Variants in CLPX observed in about 807,000 individuals in gnomAD.
The protein encoded by CLPX is caseinolytic mitochondrial matrix peptidase chaperone subunit X, also known as ATP-dependent clpX-like chaperone, mitochondrial.
Under a neutral mutation model 76.4 loss-of-function variants are expected in CLPX, and 34 were observed. That is an observed-to-expected ratio of 0.45 (90% CI 0.34 to 0.59). The LOEUF (loss-of-function observed/expected upper bound fraction) is 0.59. Ranked by LOEUF, CLPX falls within the 20% of genes least tolerant of loss-of-function variation. CLPX has a pLI of 0.01. For synonymous variants in CLPX, 248 were observed against 270.9 expected (o/e 0.92, Z 0.83); for missense variants, 613 against 757.0 (o/e 0.81, Z 2.23).
rs1345827999 is a variant in CLPX, at chr15:65,177,580, GCCAA to G, written c.358+1350_358+1353del. Among the ~76,000 whole-genome samples, 4 of 152,252 alleles carry G rather than the reference GCCAA, an allele frequency of 2.6e-5. No individual in the cohort carries two copies. In the East Asian group the frequency reaches 7.7e-4, roughly 29 times the overall value. On this transcript the variant is annotated intron_variant, in intron 3 of 13. Coordinates refer to ENST00000300107, the MANE Select transcript of CLPX (RefSeq NM_006660.5). Reference sequence around the variant, plus strand: ...GTTAGGAGATAGAGAATACTCTCTAGCCAACCATCAGACACTGAAGTCTTACAAT... The same window carrying G: ...GTTAGGAGATAGAGAATACTCTCTAGCCATCAGACACTGAAGTCTTACAAT...
chr15:65,180,269 A>T, intron 1 of CLPX, 65 bp from the exon 2 acceptor site: 1 of 1,301,390 alleles, frequency 7.7e-7, no homozygotes, highest in Non-Finnish European at 1.1e-6. Context: ...GGAAACAAAA[A>T]TTCCTTGAGC....
At chr15:65,166,848 TAA>T in intron 3 of CLPX, 63 bp from the exon 4 acceptor site, 1 of 1,492,336 alleles carries the variant, frequency 6.7e-7, no homozygotes, top group South Asian at 1.3e-5. Context: ...TGTTTAACCT[TAA>T]AGACTCCACT....
Position 65,185,170 on chromosome 15 carries a change from C to T in CLPX, c.-17G>A, listed in dbSNP as rs778913119. On this transcript the variant is annotated 5_prime_UTR_variant, in exon 1 of 14. Transcript: ENST00000300107. ...GCTGGGCATCTCCGCGAGGCCTAGG[C>T]CGGGGCTTCGCCCCCTGAGGACCTC... is the stretch of plus-strand genomic sequence containing the variant. 6 of 1,554,222 alleles carry T rather than the reference C, an allele frequency of 3.9e-6. No homozygotes were observed. The highest frequency in any genetic ancestry group is 1.2e-5 in the South Asian group (1 of 84,224).
intron 6 of CLPX, among the ~76,000 whole-genome samples, chr15:65,160,038 G>T (rs1396308540): frequency 6.6e-6 from 1 of 152,046 alleles, no homozygotes; most frequent in Admixed American, 6.6e-5. Context: ...GTCTTGAACT[G>T]CTGACTTCAG....
intron 6 of CLPX, among the ~76,000 whole-genome samples, chr15:65,161,814 A>G (rs1165334808): frequency 5.3e-5 from 8 of 152,172 alleles, no homozygotes; most frequent in African/African-American, 1.9e-4. Flanking sequence ...TGGTATAATC[A>G]GTATTTCTAT....
intron 4 of CLPX, among the ~76,000 whole-genome samples, chr15:65,165,491 C>CTCCTG (rs568755377): frequency 1.2e-3 from 172 of 144,526 alleles, no homozygotes; most frequent in African/African-American, 4.2e-3. Context: ...TCACGCCATT[C>CTCCTG]TCCTGCCTCA....
chr15:65,164,997 T>C (rs1443152997), intron 4 of CLPX, among the ~76,000 whole-genome samples: 2 of 152,114 alleles, frequency 1.3e-5, no homozygotes, highest in Admixed American at 1.3e-4. Flanking sequence ...GGGGTAAATT[T>C]TTTAAGTTTT....
Position 65,156,824 on chromosome 15 carries a change from CA to C in CLPX, c.1146+19del. 1 of 1,562,400 alleles carries C rather than the reference CA, an allele frequency of 6.4e-7. No homozygotes were observed. The highest frequency in any genetic ancestry group is 8.8e-7 in the Non-Finnish European group (1 of 1,134,432). ...TTCCCTTCCTTTTAGTGGGCTTGAA[CA>C]AAATACTCAACTGCTTACTTGCTGA... On this transcript the variant is annotated intron_variant, in intron 9 of 13. Transcript: ENST00000300107.
Position 65,148,907 on chromosome 15 carries a change from AC to A in CLPX, c.*1915del. The A allele has an allele frequency of 6.6e-6, 1 of 152,320 alleles. No individual in the cohort carries two copies. Among genetic ancestry groups the A allele is most frequent in the South Asian group, 2.1e-4 (1 of 4,832 alleles). 9.4% of individuals were successfully genotyped at this position (152,320 alleles called of 1,614,324 possible). On this transcript the variant is annotated 3_prime_UTR_variant, in exon 14 of 14. Transcript: ENST00000300107. Reference sequence around the variant, plus strand: ...ATTAAATGATACAATTTTCATTAAGACCCCAAATATCCCACCACTTTTTAGC... The same window carrying A: ...ATTAAATGATACAATTTTCATTAAGACCCAAATATCCCACCACTTTTTAGC...
intron 11 of CLPX, 72 bp from the exon 12 acceptor site, chr15:65,153,711 G>C: frequency 1.2e-6 from 1 of 847,210 alleles, no homozygotes; most frequent in East Asian, 3.1e-5. Flanking sequence ...ACCATTAAGT[G>C]AGGGCACAAT....
At chr15:65,162,200 G>C (rs1167020446) in intron 6 of CLPX, among the ~76,000 whole-genome samples, 1 of 151,794 alleles carries the variant, frequency 6.6e-6, no homozygotes, top group African/African-American at 2.4e-5. Context: ...GGGCAATCTG[G>C]GGCTGGAAAC....
chr15:65,162,170 G>A (rs753719956), intron 6 of CLPX, among the ~76,000 whole-genome samples: 2 of 151,938 alleles, frequency 1.3e-5, no homozygotes, highest in African/African-American at 4.8e-5. Flanking sequence ...ACCCTCCATC[G>A]GACCATCTGA....
In CLPX at chr15:65,166,680, T is replaced by C; in HGVS notation, c.464A>G (p.Glu155Gly). 1 of 1,614,184 alleles carries C rather than the reference T, an allele frequency of 6.2e-7. No homozygotes were observed. Among genetic ancestry groups the C allele is most frequent in the Non-Finnish European group, 8.5e-7 (1 of 1,180,022 alleles). ...CTGTTGGAATGCCAATTTTACAGCT[T>C]CTGCTGCTGATTCAGGTTCTTTAAT... Reference protein sequence around the residue: ...SIIKEPESAAEAVKLAFQQKP... With the variant: ...SIIKEPESAAGAVKLAFQQKP... Residue 155 changes from glutamate to glycine, a missense_variant, in exon 4 of 14, where the codon GAA becomes GGA. This residue lies in a region of CLPX where 450 missense variants were observed against 638.6 expected (regional missense o/e 0.70). Coordinates refer to ENST00000300107, the MANE Select transcript of CLPX (RefSeq NM_006660.5).
Position 65,185,185 on chromosome 15 carries a change from CT to C in CLPX, c.-33del. The C allele has an allele frequency of 6.5e-7, 1 of 1,531,032 alleles. No individual in the cohort carries two copies. The highest frequency in any genetic ancestry group is 8.9e-7 in the Non-Finnish European group (1 of 1,129,316). The allele number at this position is 1,531,032 out of a possible 1,614,324, so 94.8% of individuals were successfully genotyped here. A position where few individuals can be genotyped will look rare whatever the true frequency, so the allele number is the denominator to read the frequency against. ...GAGGCCTAGGCCGGGGCTTCGCCCC[CT>C]GAGGACCTCCGGGTCACAGCGGCGT... On this transcript the variant is annotated 5_prime_UTR_variant, in exon 1 of 14. Transcript: ENST00000300107.
intron 11 of CLPX, 64 bp downstream of exon 11, chr15:65,154,718 T>G: frequency 7.6e-7 from 1 of 1,310,838 alleles, no homozygotes; most frequent in Non-Finnish European, 1.0e-6. Flanking sequence ...GTTAGGTTAA[T>G]TTATGTAGAA....
At chr15:65,179,942 T>C in intron 2 of CLPX, 102 bp downstream of exon 2, 1 of 721,376 alleles carries the variant, frequency 1.4e-6, no homozygotes, top group Non-Finnish European at 2.1e-6. Flanking sequence ...ATCTCATATT[T>C]CCTACAGAAA....
At chr15:65,170,717 C>G (rs1276644542) in intron 3 of CLPX, among the ~76,000 whole-genome samples, 1 of 151,172 alleles carries the variant, frequency 6.6e-6, no homozygotes, top group Non-Finnish European at 1.5e-5. Flanking sequence ...TTGCAGTGAG[C>G]CAAGACCACG....
At chr15:65,157,051 T>C (rs1019939212) in intron 8 of CLPX, 119 bp from the exon 9 acceptor site, 1 of 608,880 alleles carries the variant, frequency 1.6e-6, no homozygotes, top group African/African-American at 1.9e-5. Flanking sequence ...ACTTAACATA[T>C]CCAATAGCTT....
At chr15:65,161,663 T>C (rs1032615049) in intron 6 of CLPX, among the ~76,000 whole-genome samples, 1 of 152,200 alleles carries the variant, frequency 6.6e-6, no homozygotes, top group African/African-American at 2.4e-5. Context: ...TTTATGAGTA[T>C]GGTATTGACT....
Sources: allele counts gnomAD v4.1 joint callset (sites outside exome capture counted in the v4.1 genomes callset), GRCh38; gene constraint gnomAD v4.1.1; regional missense constraint gnomAD v4.1.1; transcripts MANE v1.5; gene names NCBI Gene and HGNC (gene_info 2026-07-23, HGNC 2026-07-21).